Variants in KAT2B observed in about 807,000 individuals in gnomAD.
KAT2B encodes the protein lysine acetyltransferase 2B, also known as histone acetyltransferase KAT2B.
A neutral mutation model predicts 105.9 loss-of-function variants in KAT2B; 36 were observed. That is an observed-to-expected ratio of 0.34 (90% CI 0.26 to 0.45). The LOEUF (loss-of-function observed/expected upper bound fraction) is 0.45, where lower values mean the gene tolerates loss of function less well. KAT2B is among the 20% of genes least tolerant of loss of function. KAT2B has a pLI of 1.00. For missense variants in KAT2B, 820 were observed against 1,021.6 expected, an observed-to-expected ratio of 0.80 and a Z score of 2.69; for synonymous variants, 397 against 377.9, an observed-to-expected ratio of 1.05 and a Z score of -0.59.
At chr3:20,093,508 G>C (rs904314393) in intron 2 of KAT2B, among the ~76,000 whole-genome samples, 1 of 152,132 alleles carries the variant, frequency 6.6e-6, no homozygotes, top group Non-Finnish European at 1.5e-5. Flanking sequence ...AAGGAGGGGG[G>C]ATATATAGGT....
intron 5 of KAT2B, among the ~76,000 whole-genome samples, chr3:20,109,556 G>C (rs536604592): frequency 1.3e-5 from 2 of 152,202 alleles, no homozygotes; most frequent in African/African-American, 4.8e-5. Flanking sequence ...GGGCTCAAGC[G>C]ATCTTCCTGC....
At chr3:20,124,175 G>T (rs540435613) in intron 9 of KAT2B, among the ~76,000 whole-genome samples, 16 of 152,254 alleles carry the variant, frequency 1.1e-4, no homozygotes, top group South Asian at 4.1e-4. Context: ...TAACATTACA[G>T]ATTAGCTGAG....
At chr3:20,099,046 AC>A (rs34600923) in intron 3 of KAT2B, among the ~76,000 whole-genome samples, 25,176 of 152,252 alleles carry the variant, frequency 0.17, 2,286 homozygotes, top group Middle Eastern at 0.23. Flanking sequence ...TGTAAAAGTT[AC>A]AGAAGATTCA....
At chr3:20,040,890 C>T in intron 1 of KAT2B, 110 bp downstream of exon 1, 1 of 1,306,662 alleles carries the variant, frequency 7.7e-7, no homozygotes, top group Non-Finnish European at 1.0e-6. Context: ...CCTCTCGCCT[C>T]CCGCCTGGGG....
chr3:20,058,453 C>CAAAA (rs35239760), intron 1 of KAT2B, among the ~76,000 whole-genome samples: 7 of 74,516 alleles, frequency 9.4e-5, no homozygotes, highest in South Asian at 5.7e-4. Context: ...GACTCTGTCT[C>CAAAA]AAAAAAAAAA....
rs1238031830 is a variant in KAT2B at position 20,153,040 on chromosome 3, AT to A, written c.*521del. On this transcript the variant is annotated 3_prime_UTR_variant, in exon 18 of 18. Transcript: ENST00000263754. ...GTCTCTTTATAGACTTTTTATATAT[AT>A]TTTTTAAAACACTCATCTAGATGAG... 6.6e-6 allele frequency: 1 copy of A among 152,546 alleles called. No individual in the cohort carries two copies. Among genetic ancestry groups the A allele is most frequent in the Non-Finnish European group, 1.5e-5 (1 of 68,012 alleles). 9.4% of individuals were successfully genotyped at this position (152,546 alleles called of 1,614,324 possible). A position where few individuals can be genotyped will look rare whatever the true frequency, so the allele number is the denominator to read the frequency against.
At position 20,148,433 on chromosome 3, in the gene KAT2B, C is replaced by T; in HGVS notation, c.2251C>T (p.Pro751Ser). 6.2e-7 allele frequency: 1 copy of T among 1,611,046 alleles called. No individual in the cohort carries two copies. Among genetic ancestry groups the T allele is most frequent in the Non-Finnish European group, 8.5e-7 (1 of 1,179,190 alleles). Residue 751 changes from proline to serine, a missense_variant, in exon 17 of 18, where the codon CCT (proline) becomes TCT (serine). Transcript: ENST00000263754. Reference sequence around the variant, plus strand: ...TCAAAGCGCTTGGCCCTTCATGGAACCTGTGAAGAGAACAGAAGCTCCAGG... The same window carrying T: ...TCAAAGCGCTTGGCCCTTCATGGAATCTGTGAAGAGAACAGAAGCTCCAGG... ...SHQSAWPFME[P>S]VKRTEAPGYY...
chr3:20,040,468 C>T lies in KAT2B; in HGVS notation c.-10C>T, dbSNP rs1480430524. The T allele has an allele frequency of 4.7e-6, 5 of 1,070,906 alleles. No homozygotes were observed. The highest frequency in any genetic ancestry group is 1.7e-5 in the African/African-American group (1 of 59,136). 66.3% of individuals were successfully genotyped at this position (1,070,906 alleles called of 1,614,324 possible). ...GACACTCGGCGCCTCCTGCCGTGCT[C>T]CGGGGCGGCATGTCCGAGGCTGGCG... On this transcript the variant is annotated 5_prime_UTR_variant, in exon 1 of 18. Coordinates refer to ENST00000263754, the MANE Select transcript of KAT2B (RefSeq NM_003884.5).
At chr3:20,148,693 AGAGCCCACAT>A (rs1404412957) in intron 17 of KAT2B, 3 of 484,280 alleles carry the variant, frequency 6.2e-6, no homozygotes, top group Non-Finnish European at 1.1e-5. Context: ...GCTGTCGTTT[AGAGCCCACAT>A]GAGCTTAACG....
intron 7 of KAT2B, among the ~76,000 whole-genome samples, chr3:20,118,310 A>G (rs2125171296): frequency 6.9e-6 from 1 of 145,220 alleles, no homozygotes; most frequent in South Asian, 2.1e-4. Context: ...ATATAGGTAT[A>G]TATATTTTCT....
In KAT2B at chr3:20,044,289, T is replaced by C. The variant is rs951853869; in HGVS notation, c.303+3509T>C. 5.9e-5 allele frequency among the ~76,000 whole-genome samples: 9 copies of C among 151,956 alleles called. 1 individual carries two copies. Among genetic ancestry groups the C allele is most frequent in the Non-Finnish European group, 1.3e-4 (9 of 68,006 alleles). ...TGAGTCCAGGAATTTGAGGCCATCC[T>C]GGGCAATATAGTGAGACTTCGTCTC... is the stretch of plus-strand genomic sequence containing the variant. On this transcript the variant is annotated intron_variant, in intron 1 of 17. Coordinates refer to ENST00000263754, the MANE Select transcript of KAT2B (RefSeq NM_003884.5).
At chr3:20,149,368 C>T (rs1389408785) in intron 17 of KAT2B, among the ~76,000 whole-genome samples, 2 of 151,618 alleles carry the variant, frequency 1.3e-5, no homozygotes, top group African/African-American at 4.9e-5. Context: ...CAGTGGCACA[C>T]GCCTGAGGCC....
At chr3:20,128,497 T>G (rs909371878) in intron 11 of KAT2B, among the ~76,000 whole-genome samples, 2 of 150,534 alleles carry the variant, frequency 1.3e-5, no homozygotes, top group Non-Finnish European at 3.0e-5. Flanking sequence ...TTTTGTTTTG[T>G]TTTTTTTTGT....
chr3:20,127,666 A>G, intron 11 of KAT2B, 117 bp downstream of exon 11: 1 of 1,007,826 alleles, frequency 9.9e-7, no homozygotes, highest in Non-Finnish European at 1.5e-6. Context: ...AAGTGGAGTT[A>G]AGGACTTTCT....
At chr3:20,072,202 A>G (rs1454667204) in intron 1 of KAT2B, 131 bp from the exon 2 acceptor site, 9 of 897,960 alleles carry the variant, frequency 1.0e-5, no homozygotes, top group Admixed American at 2.0e-5. Flanking sequence ...TCTCTTGTGT[A>G]TATGGCAGAC....
chr3:20,074,255 G>A (rs947353219), intron 2 of KAT2B, among the ~76,000 whole-genome samples: 1 of 152,216 alleles, frequency 6.6e-6, no homozygotes, highest in African/African-American at 2.4e-5. Flanking sequence ...ATATTCCAAT[G>A]TAGGAGATGA....
intron 1 of KAT2B, 79 bp downstream of exon 1, chr3:20,040,859 A>ACCTCCG: frequency 5.7e-6 from 8 of 1,397,828 alleles, no homozygotes; most frequent in Non-Finnish European, 7.4e-6. Flanking sequence ...TCCCGCTTCC[A>ACCTCCG]CCTCCGCCTC....
At chr3:20,098,463 G>A (rs4858762) in intron 3 of KAT2B, among the ~76,000 whole-genome samples, 60,876 of 151,908 alleles carry the variant, frequency 0.4, 12,763 homozygotes, top group East Asian at 0.64. Context: ...GATAATATAT[G>A]TGAAGAACCA....
chr3:20,075,652 A>G (rs1459574222), intron 2 of KAT2B, among the ~76,000 whole-genome samples: 5 of 152,172 alleles, frequency 3.3e-5, no homozygotes, highest in Non-Finnish European at 1.5e-5. Context: ...CTGGTTTAAT[A>G]TAAAGGATAC....
Sources: allele counts gnomAD v4.1 joint callset (sites outside exome capture counted in the v4.1 genomes callset), GRCh38; gene constraint gnomAD v4.1.1; transcripts MANE v1.5; gene names NCBI Gene and HGNC (gene_info 2026-07-23, HGNC 2026-07-21).